ZNRF3: variants seen among roughly 807,000 people sequenced by gnomAD.
ZNRF3 encodes the protein zinc and ring finger 3.
A neutral mutation model predicts 72.5 loss-of-function variants in ZNRF3; 23 were observed. The ratio of observed to expected loss-of-function variants is 0.32; its 90% CI spans 0.23 to 0.45. The LOEUF (loss-of-function observed/expected upper bound fraction) is 0.45. ZNRF3 is among the 20% of genes least tolerant of loss of function. The pLI is 1.00. For synonymous variants in ZNRF3, 610 were observed against 545.3 expected, an observed-to-expected ratio of 1.12 and a Z score of -1.65; for missense variants, 1,169 against 1,272.1, an observed-to-expected ratio of 0.92 and a Z score of 1.23.
intron 1 of ZNRF3, among the ~76,000 whole-genome samples, chr22:28,937,648 G>A (rs1397004706): frequency 6.6e-6 from 1 of 152,086 alleles, no homozygotes; most frequent in African/African-American, 2.4e-5. Context: ...TTTCTAACAA[G>A]TTCCCAGATG....
intron 1 of ZNRF3, among the ~76,000 whole-genome samples, chr22:28,982,526 A>T (rs1569269947): frequency 6.6e-6 from 1 of 150,460 alleles, no homozygotes; most frequent in Non-Finnish European, 1.5e-5. Flanking sequence ...TGATCACGCC[A>T]CTGCACTCTC....
chr22:29,015,307 G>A (rs1052466710), intron 2 of ZNRF3, among the ~76,000 whole-genome samples: 1 of 152,202 alleles, frequency 6.6e-6, no homozygotes, highest in Admixed American at 6.5e-5. Context: ...TTGTTTTAAC[G>A]CTTATTGTAG....
chr22:28,971,009 A>G (rs2035565451), intron 1 of ZNRF3, among the ~76,000 whole-genome samples: 1 of 152,140 alleles, frequency 6.6e-6, no homozygotes, highest in South Asian at 2.1e-4. Context: ...AGTTTATTGT[A>G]TATAAACACC....
chr22:29,039,965 A>T (rs941457326), intron 2 of ZNRF3, among the ~76,000 whole-genome samples: 8 of 151,956 alleles, frequency 5.3e-5, no homozygotes, highest in Non-Finnish European at 1.0e-4. Context: ...GATAGATAGA[A>T]AGATAGATAG....
intron 1 of ZNRF3, among the ~76,000 whole-genome samples, chr22:28,912,788 C>T (rs2034342799): frequency 6.6e-6 from 1 of 151,768 alleles, no homozygotes; most frequent in Non-Finnish European, 1.5e-5. Flanking sequence ...CCTCAGCCTC[C>T]CAAGTAGCTG....
chr22:28,902,250 TC>T (rs1244065444), intron 1 of ZNRF3, among the ~76,000 whole-genome samples: 1 of 152,242 alleles, frequency 6.6e-6, no homozygotes, highest in Non-Finnish European at 1.5e-5. Flanking sequence ...TAACTTTCAT[TC>T]ACCTGGTTTG....
chr22:28,977,491 G>A (rs1210348549), intron 1 of ZNRF3, among the ~76,000 whole-genome samples: 3 of 152,064 alleles, frequency 2.0e-5, no homozygotes, highest in South Asian at 4.1e-4. Flanking sequence ...TTTCTTTCAC[G>A]TAAATTATAA....
At chr22:29,039,784 C>CAAAAAAAAAAA (rs397976678) in intron 2 of ZNRF3, among the ~76,000 whole-genome samples, 1 of 85,324 alleles carries the variant, frequency 1.2e-5, no homozygotes, top group Non-Finnish European at 2.3e-5. Flanking sequence ...TCGTCTCTAC[C>CAAAAAAAAAAA]AAAAAAAAAA....
At chr22:28,953,918 G>A (rs1352746464) in intron 1 of ZNRF3, among the ~76,000 whole-genome samples, 2 of 152,160 alleles carry the variant, frequency 1.3e-5, no homozygotes, top group Non-Finnish European at 2.9e-5. Flanking sequence ...ATTTGTATGT[G>A]ACACTGGACA....
chr22:28,972,700 T>C (rs2035598547), intron 1 of ZNRF3, among the ~76,000 whole-genome samples: 1 of 152,250 alleles, frequency 6.6e-6, no homozygotes, highest in Non-Finnish European at 1.5e-5. Flanking sequence ...TTTTCCAAAG[T>C]GGCTGCTCCA....
intron 1 of ZNRF3, among the ~76,000 whole-genome samples, chr22:28,973,437 A>G: frequency 6.6e-6 from 1 of 152,168 alleles, no homozygotes. Context: ...TTTGTATCTG[A>G]ACATCAGAAA....
At position 29,050,685 on chromosome 22, in the gene ZNRF3, A is replaced by G; in HGVS notation, c.2504A>G (p.Asp835Gly). 6.2e-7 allele frequency: 1 copy of G among 1,612,370 alleles called. No homozygotes were observed. The highest frequency in any genetic ancestry group is 1.1e-5 in the South Asian group (1 of 90,960). The change falls in exon 8 of 9, where the codon GAT becomes GGT. Residue 835 changes from aspartate to glycine, a missense_variant. Physicochemically the swap from Asp to Gly is moderately conservative, Grantham distance 94 (BLOSUM62 -1). Coordinates refer to ENST00000544604, the MANE Select transcript of ZNRF3 (RefSeq NM_001206998.2). The stretch of plus-strand genomic sequence containing the variant: ...CAGCGCATCCCCATCATTCCAGAGG[A>G]TGTGGACTGTGATCTGGGCCTGCCC... The part of the protein sequence containing the change: ...LSQRIPIIPE[D>G]VDCDLGLPSD...
intron 1 of ZNRF3, among the ~76,000 whole-genome samples, chr22:28,980,748 C>T (rs2035750233): frequency 6.6e-6 from 1 of 152,150 alleles, no homozygotes; most frequent in Non-Finnish European, 1.5e-5. Context: ...TGTGAATCTG[C>T]CCCAGAAGTT....
intron 4 of ZNRF3, 80 bp from the exon 5 acceptor site, chr22:29,044,700 T>G: frequency 1.0e-6 from 1 of 989,712 alleles, no homozygotes; most frequent in African/African-American, 1.6e-5. Context: ...ATCTTTATCC[T>G]GACAAAGCCA....
At chr22:28,989,841 TAA>T (rs1275177195) in intron 2 of ZNRF3, among the ~76,000 whole-genome samples, 1 of 152,164 alleles carries the variant, frequency 6.6e-6, no homozygotes, top group African/African-American at 2.4e-5. Context: ...AACCTTGAAA[TAA>T]GAGAGGATGT....
chr22:28,988,401 C>T (rs2035893902), intron 2 of ZNRF3, among the ~76,000 whole-genome samples: 2 of 152,142 alleles, frequency 1.3e-5, no homozygotes, highest in South Asian at 4.1e-4. Context: ...GCCAGTGTCT[C>T]CTGAAAGACC....
chr22:28,987,782 A>G (rs994998953), intron 2 of ZNRF3, among the ~76,000 whole-genome samples: 3 of 151,952 alleles, frequency 2.0e-5, no homozygotes, highest in African/African-American at 7.3e-5. Flanking sequence ...TTTGCTGCCA[A>G]GTAAGTTATG....
chr22:28,933,914 T>C (rs187218203), intron 1 of ZNRF3, among the ~76,000 whole-genome samples: 201 of 151,870 alleles, frequency 1.3e-3, no homozygotes, highest in African/African-American at 4.6e-3. Context: ...TCGGTGGAGA[T>C]GGAATGATGG....
At chr22:28,953,629 G>A (rs2035204976) in intron 1 of ZNRF3, among the ~76,000 whole-genome samples, 1 of 152,190 alleles carries the variant, frequency 6.6e-6, no homozygotes, top group Non-Finnish European at 1.5e-5. Context: ...TGAGCTTAGT[G>A]ACATGCCATC....
Sources: allele counts gnomAD v4.1 joint callset (sites outside exome capture counted in the v4.1 genomes callset), GRCh38; gene constraint gnomAD v4.1.1; transcripts MANE v1.5; gene names NCBI Gene and HGNC (gene_info 2026-07-23, HGNC 2026-07-21).